The following NUBP2 variants were observed in gnomAD, a reference collection of about 807,000 sequenced individuals.
The protein encoded by NUBP2 is NUBP iron-sulfur cluster assembly factor 2, cytosolic.
In NUBP2, 23 loss-of-function variants were observed where a neutral mutation model predicts 24.9. The observed-to-expected ratio is 0.92, with a 90% CI of 0.66 to 1.31. NUBP2 has a LOEUF of 1.31. NUBP2 is among the 50% of genes most tolerant of loss of function. NUBP2 has a pLI of 0.00. For synonymous variants in NUBP2, 186 were observed against 170.9 expected (o/e 1.09, Z -0.69); for missense variants, 403 against 386.5 (o/e 1.04, Z -0.36).
At position 1,788,172 on chromosome 16, in the gene NUBP2, A is replaced by T; in HGVS notation, c.635A>T (p.Glu212Val). Residue 212 changes from glutamate (E) to valine (V), a missense_variant, in exon 6 of 7, where the codon GAG becomes GTG. Coordinates refer to ENST00000262302, the MANE Select transcript of NUBP2 (RefSeq NM_012225.4). ...CTSVFSRGGG[E>V]ELAQLAGVPF... The stretch of plus-strand genomic sequence containing the variant: ...AGCGTCTTCTCCAGGGGCGGCGGAG[A>T]GGAGCTGGCCCAGCTCGCCGGGGTG... The T allele has an allele frequency of 6.5e-7, 1 of 1,531,960 alleles. No individual in the cohort carries two copies. The highest frequency in any genetic ancestry group is 1.7e-4 in the Middle Eastern group (1 of 5,736). 94.9% of individuals were successfully genotyped at this position (1,531,960 alleles called of 1,614,324 possible).
intron 3 of NUBP2, chr16:1,787,384 C>T: frequency 3.9e-6 from 2 of 508,238 alleles, no homozygotes; most frequent in Non-Finnish European, 7.0e-6. Context: ...TGTGTGGGTA[C>T]AGACGCCTGG....
rs761576911 is a variant in NUBP2 at position 1,788,171 on chromosome 16, G to A, written c.634G>A (p.Glu212Lys). 1 of 1,533,110 alleles carries A rather than the reference G, an allele frequency of 6.5e-7. No homozygotes were observed. Among genetic ancestry groups the A allele is most frequent in the Non-Finnish European group, 8.7e-7 (1 of 1,143,922 alleles). 95.0% of individuals were successfully genotyped at this position (1,533,110 alleles called of 1,614,324 possible). A position where few individuals can be genotyped will look rare whatever the true frequency, so the allele number is the denominator to read the frequency against. ...CAGCGTCTTCTCCAGGGGCGGCGGAGAGGAGCTGGCCCAGCTCGCCGGGGT... is the reference window on the plus strand; with the variant it reads ...CAGCGTCTTCTCCAGGGGCGGCGGAAAGGAGCTGGCCCAGCTCGCCGGGGT... ...CTSVFSRGGG[E>K]ELAQLAGVPF... The change falls in exon 6 of 7, where the codon GAG becomes AAG. Residue 212 changes from glutamate to lysine, a missense_variant. Coordinates refer to ENST00000262302, the MANE Select transcript of NUBP2 (RefSeq NM_012225.4).
At position 1,786,828 on chromosome 16, in the gene NUBP2, G is replaced by A. The variant is rs146966970; in HGVS notation, c.207G>A (p.Val69=). 828 of 1,603,172 alleles carry A rather than the reference G, an allele frequency of 5.2e-4. No homozygotes were observed. Among genetic ancestry groups the A allele is most frequent in the Non-Finnish European group, 6.6e-4 (770 of 1,172,926 alleles). The change falls in exon 3 of 7, where the codon GTG becomes GTA. Residue 69 remains valine, a synonymous_variant. Coordinates refer to ENST00000262302, the MANE Select transcript of NUBP2 (RefSeq NM_012225.4). The part of the protein sequence containing the change: ...PRMLGAQGRA[V]HQCDRGWAPV... ...TGCTCGGGGCGCAGGGCAGGGCTGT[G>A]CACCAGTGCGACCGCGGCTGGGCAC...
chr16:1,783,577 C>T (rs1186144469), intron 1 of NUBP2: 2 of 844,464 alleles, frequency 2.4e-6, no homozygotes, highest in Non-Finnish European at 2.9e-6. Flanking sequence ...GTGGGCCCTC[C>T]TGAGTAGTGG....
At chr16:1,786,715 G>A (rs1313998757) in intron 2 of NUBP2, 42 bp from the exon 3 acceptor site, 1 of 1,611,444 alleles carries the variant, frequency 6.2e-7, no homozygotes, top group South Asian at 1.1e-5. Context: ...CCCGGTGGAG[G>A]CCTGGCGGTG....
intron 1 of NUBP2, chr16:1,785,187 T>G: frequency 1.0e-6 from 1 of 1,000,074 alleles, no homozygotes; most frequent in Non-Finnish European, 1.2e-6. Context: ...AGATGGTGCT[T>G]CGCCTCCTTC....
chr16:1,787,800 C>T lies in NUBP2; in HGVS notation c.458C>T (p.Pro153Leu), dbSNP rs772539717. The T allele has an allele frequency of 1.2e-6, 2 of 1,611,798 alleles. No individual in the cohort carries two copies. The highest frequency in any genetic ancestry group is 2.7e-5 in the African/African-American group (2 of 74,926). The change falls in exon 4 of 7, where the codon CCC becomes CTC. Residue 153 changes from proline (P) to leucine (L), a missense_variant. Coordinates refer to ENST00000262302, the MANE Select transcript of NUBP2 (RefSeq NM_012225.4). The stretch of plus-strand genomic sequence containing the variant: ...ATAGAAGCCCTGCGTCCCTACCAGC[C>T]CCTGGGGGCCCTCGTGGTCACCACG... ...ATIEALRPYQ[P>L]LGALVVTTPQ...
chr16:1,786,160 G>GT, intron 1 of NUBP2: 1 of 209,802 alleles, frequency 4.8e-6, no homozygotes, highest in African/African-American at 3.3e-5. Context: ...GTGGAGTCTG[G>GT]TTCCCGTTAG....
At chr16:1,786,240 A>C (rs1896959269) in intron 1 of NUBP2, 5 of 436,738 alleles carry the variant, frequency 1.1e-5, no homozygotes, top group African/African-American at 2.0e-5. Context: ...GCACGAAGGA[A>C]CGCATGCACC....
intron 1 of NUBP2, chr16:1,785,172 C>T (rs995567273): frequency 1.1e-5 from 11 of 999,148 alleles, no homozygotes; most frequent in African/African-American, 1.7e-5. Context: ...TCGCCTTCCT[C>T]GGGGAGATGG....
chr16:1,784,873 G>GA (rs200897622), intron 1 of NUBP2: 407 of 142,872 alleles, frequency 2.8e-3, no homozygotes, highest in Middle Eastern at 7.2e-3. Flanking sequence ...CAGTCTCTAC[G>GA]AAAAAAATAA....
At chr16:1,783,194 C>G (rs1418793021) in intron 1 of NUBP2, 158 bp downstream of exon 1, 2 of 1,175,044 alleles carry the variant, frequency 1.7e-6, no homozygotes, top group African/African-American at 3.2e-5. Context: ...CGGGCATTTT[C>G]TAAACAGGGT....
chr16:1,787,635 ACCTGC>A (rs748976374), intron 3 of NUBP2, 37 bp from the exon 4 acceptor site: 3 of 1,602,512 alleles, frequency 1.9e-6, no homozygotes, highest in Non-Finnish European at 2.6e-6. Context: ...ACGTGTGCAG[ACCTGC>A]CCTGCCCTGA....
At chr16:1,786,286 T>G in intron 1 of NUBP2, 1 of 533,708 alleles carries the variant, frequency 1.9e-6, no homozygotes, top group Non-Finnish European at 3.4e-6. Context: ...CAGTTTCCAC[T>G]CTCAGCAGCG....
rs368910823 is a variant in NUBP2 at position 1,787,782 on chromosome 16, C to T, written c.440C>T (p.Ala147Val). 43 of 1,612,288 alleles carry T rather than the reference C, an allele frequency of 2.7e-5. No individual in the cohort carries two copies. Among genetic ancestry groups the T allele is most frequent in the South Asian group, 2.5e-4 (23 of 91,094 alleles). ...TSDEHMATIE[A>V]LRPYQPLGAL... ...GATGAGCACATGGCCACCATAGAAG[C>T]CCTGCGTCCCTACCAGCCCCTGGGG... Residue 147 changes from alanine to valine, a missense_variant, in exon 4 of 7, where the codon GCC becomes GTC. Ala to Val is a moderately conservative substitution (Grantham distance 64). Coordinates refer to ENST00000262302, the MANE Select transcript of NUBP2 (RefSeq NM_012225.4).
Position 1,783,012 on chromosome 16 carries a change from G to C in NUBP2, c.-9G>C. On this transcript the variant is annotated 5_prime_UTR_variant, in exon 1 of 7. Coordinates refer to ENST00000262302, the MANE Select transcript of NUBP2 (RefSeq NM_012225.4). ...CGGACTGCAGCCGCGAGCTCCTGGA[G>C]GCGGCGGGATGGAGGCGGCGGCCGG... 3 of 1,393,622 alleles carry C rather than the reference G, an allele frequency of 2.2e-6. No homozygotes were observed. The highest frequency in any genetic ancestry group is 2.8e-6 in the Non-Finnish European group (3 of 1,069,578). The allele number at this position is 1,393,622 out of a possible 1,614,324, so 86.3% of individuals were successfully genotyped here.
Position 1,788,966 on chromosome 16 carries a change from C to G in NUBP2, c.*252C>G. On this transcript the variant is annotated 3_prime_UTR_variant, in exon 7 of 7. Coordinates refer to ENST00000262302, the MANE Select transcript of NUBP2 (RefSeq NM_012225.4). Reference sequence around the variant, plus strand: ...GGGGCGGCCTGGGCTCTCTTCCCATCCATGTTGCCTACCTGTGCCCCTGGC... The same window carrying G: ...GGGGCGGCCTGGGCTCTCTTCCCATGCATGTTGCCTACCTGTGCCCCTGGC... 2.0e-6 allele frequency: 1 copy of G among 494,032 alleles called. No individual in the cohort carries two copies. The highest frequency in any genetic ancestry group is 3.6e-6 in the Non-Finnish European group (1 of 280,524). 30.6% of individuals were successfully genotyped at this position (494,032 alleles called of 1,614,324 possible).
chr16:1,786,719 G>A (rs374325950), intron 2 of NUBP2, 38 bp from the exon 3 acceptor site: 195 of 1,611,436 alleles, frequency 1.2e-4, no homozygotes, highest in Non-Finnish European at 1.6e-4. Context: ...GTGGAGGCCT[G>A]GCGGTGCCCC....
intron 6 of NUBP2, 115 bp from the exon 7 acceptor site, chr16:1,788,454 C>T: frequency 7.2e-7 from 1 of 1,388,364 alleles, no homozygotes; most frequent in Non-Finnish European, 9.4e-7. Flanking sequence ...TGGAAATCGT[C>T]TGGCAGCGCC....
Sources: allele counts gnomAD v4.1 joint callset, GRCh38; gene constraint gnomAD v4.1.1; transcripts MANE v1.5; gene names NCBI Gene and HGNC (gene_info 2026-07-23, HGNC 2026-07-21).